VAT1: variants seen among roughly 807,000 people sequenced by gnomAD.
VAT1 encodes NADPH-dependent quinone oxidoreductase VAT1.
In VAT1, 24 loss-of-function variants were observed where a neutral mutation model predicts 33.3. The ratio of observed to expected loss-of-function variants is 0.72; its 90% CI spans 0.52 to 1.01. The LOEUF (loss-of-function observed/expected upper bound fraction) is 1.01. Among genes scored for constraint, VAT1 ranks in the 50% least tolerant of loss-of-function variants. VAT1 has a pLI of 0.00. For synonymous variants in VAT1, 212 were observed against 225.0 expected (o/e 0.94, Z 0.52); for missense variants, 436 against 533.7 (o/e 0.82, Z 1.80).
chr17:43,022,193 AGGCGGCGGC>A lies in VAT1; in HGVS notation c.121_129del (p.Ala41_Ala43del), dbSNP rs749113325. On this transcript the variant is annotated inframe_deletion, in exon 1 of 6. Coordinates refer to ENST00000355653, the MANE Select transcript of VAT1 (RefSeq NM_006373.4). ...ACTAGGCAGCGCAGCAGTGGCGGCG[AGGCGGCGGC>A]GGCGGCGGCCCCTTCGGAGGCCGCG... The A allele has an allele frequency of 1.2e-4, 187 of 1,557,340 alleles. No individual in the cohort carries two copies. The Middle Eastern group carries it at 2.2e-3, about 18-fold the overall frequency.
chr17:43,016,150 G>C lies in VAT1; in HGVS notation c.1099-6C>G, dbSNP rs200151016. On this transcript the variant is annotated splice_region_variant and splice_polypyrimidine_tract_variant and intron_variant, in intron 5 of 5. Coordinates refer to ENST00000355653, the MANE Select transcript of VAT1 (RefSeq NM_006373.4). ...TGTTTCATGGCATCAGCCACCTGGG[G>C]AGGAAGGAAAGATGCGGCTCCCAGT... The C allele has an allele frequency of 6.2e-7, 1 of 1,614,118 alleles. No individual in the cohort carries two copies. The highest frequency in any genetic ancestry group is 1.1e-5 in the South Asian group (1 of 91,070).
At chr17:43,021,051 C>T (rs2151971918) in intron 1 of VAT1, among the ~76,000 whole-genome samples, 1 of 152,206 alleles carries the variant, frequency 6.6e-6, no homozygotes, top group Middle Eastern at 3.4e-3. Flanking sequence ...CAGACTTGGC[C>T]AACCAGTTCA....
chr17:43,018,332 A>G, intron 2 of VAT1, 126 bp from the exon 3 acceptor site: 2 of 1,188,922 alleles, frequency 1.7e-6, no homozygotes, highest in Non-Finnish European at 2.3e-6. Context: ...GGCCGTGTCT[A>G]ATTTCCATGA....
Position 43,016,532 on chromosome 17 carries a change from C to T in VAT1, c.873G>A (p.Leu291=). 6.2e-7 allele frequency: 1 copy of T among 1,613,362 alleles called. No homozygotes were observed. The change falls in exon 5 of 6, where the codon CTG becomes CTA. Residue 291 remains leucine, a synonymous_variant. Transcript: ENST00000355653. The part of the protein sequence containing the change: ...KVVTYGMANL[L]TGPKRNLMAL... ...CCATCAGGTTCCGTTTGGGGCCCGT[C>T]AGCAGGTTGGCCATTCCTGAAGGAC...
Sources: gnomAD v4.1 joint callset for allele counts (sites outside exome capture counted in the v4.1 genomes callset) on GRCh38, gnomAD v4.1.1 for gene constraint, MANE v1.5 for transcripts, NCBI Gene and HGNC (gene_info 2026-07-23, HGNC 2026-07-21) for gene names.